TPTE: variants seen among roughly 807,000 people sequenced by gnomAD.
TPTE encodes putative tyrosine-protein phosphatase TPTE.
TPTE carries 59 observed loss-of-function variants against 84.1 expected under a neutral mutation model. The ratio of observed to expected loss-of-function variants is 0.70; its 90% confidence interval spans 0.57 to 0.87. The LOEUF (loss-of-function observed/expected upper bound fraction) is 0.87, where lower values mean the gene tolerates loss of function less well. Among genes scored for constraint, TPTE ranks in the 40% least tolerant of loss-of-function variants. TPTE has a pLI of 0.00. For missense variants in TPTE, 382 were observed against 659.6 expected, an observed-to-expected ratio of 0.58 and a Z score of 4.61; for synonymous variants, 130 against 223.5, an observed-to-expected ratio of 0.58 and a Z score of 3.73.
intron 7 of TPTE, among the ~76,000 whole-genome samples, chr21:10,545,238 A>G (rs1272891557): frequency 6.6e-6 from 1 of 152,312 alleles, no homozygotes; most frequent in African/African-American, 2.4e-5. Context: ...AAGATTGGTA[A>G]AATTCATTCA....
At chr21:10,525,978 A>C in intron 2 of TPTE, among the ~76,000 whole-genome samples, 1 of 152,422 alleles carries the variant, frequency 6.6e-6, no homozygotes, top group South Asian at 2.1e-4. Context: ...AGGATGTCTG[A>C]AAAATCTAGT....
rs1452950684 is a variant in TPTE at position 10,563,795 on chromosome 21, A to T, written c.446+2604A>T. Among the ~76,000 whole-genome samples, 3 of 152,306 alleles carry T rather than the reference A, an allele frequency of 2.0e-5. No homozygotes were observed. The East Asian group carries it at 5.8e-4, about 29-fold the overall frequency. On this transcript the variant is annotated intron_variant, in intron 10 of 23. Transcript: ENST00000618007. ...TGGCAGGAGTAAGTCCTTACTTATC[A>T]GTAATAACATTGAATGTCAGTAGAC...
At chr21:10,601,974 C>A in intron 21 of TPTE, 84 bp from the exon 22 acceptor site, 1 of 1,442,416 alleles carries the variant, frequency 6.9e-7, no homozygotes, top group Non-Finnish European at 9.7e-7. Flanking sequence ...TTGATAAATA[C>A]AGGAAGTCAT....
chr21:10,577,076 ACT>A (rs1315120120), intron 14 of TPTE, among the ~76,000 whole-genome samples: 14 of 152,362 alleles, frequency 9.2e-5, no homozygotes, highest in African/African-American at 1.4e-4. Context: ...TATGCAGATC[ACT>A]CTCTAAAGAT....
At chr21:10,555,050 C>T (rs1034174762) in intron 8 of TPTE, among the ~76,000 whole-genome samples, 11 of 152,304 alleles carry the variant, frequency 7.2e-5, no homozygotes, top group Non-Finnish European at 1.6e-4. Flanking sequence ...AATACAAATC[C>T]CATTTCATTA....
intron 3 of TPTE, among the ~76,000 whole-genome samples, chr21:10,536,299 A>G (rs1354744472): frequency 2.0e-5 from 3 of 152,428 alleles, no homozygotes; most frequent in South Asian, 4.1e-4. Flanking sequence ...ACCTAGTTCA[A>G]ATTAGTGATA....
At chr21:10,560,969 A>C in intron 9 of TPTE, 61 bp from the exon 10 acceptor site, 2 of 1,565,338 alleles carry the variant, frequency 1.3e-6, no homozygotes, top group Non-Finnish European at 1.7e-6. Context: ...GTATAGCTAC[A>C]GGGACAAATG....
chr21:10,555,016 G>A (rs1400815581), intron 8 of TPTE, among the ~76,000 whole-genome samples: 2 of 152,310 alleles, frequency 1.3e-5, no homozygotes, highest in African/African-American at 2.4e-5. Context: ...AATGTGTCCA[G>A]TGGGAGAGAT....
At chr21:10,583,886 A>C (rs2075313458) in intron 17 of TPTE, among the ~76,000 whole-genome samples, 1 of 152,310 alleles carries the variant, frequency 6.6e-6, no homozygotes, top group African/African-American at 2.4e-5. Context: ...TCTGTGTGCC[A>C]ATAGCACAAC....
intron 7 of TPTE, among the ~76,000 whole-genome samples, chr21:10,548,963 A>C (rs1471995468): frequency 6.6e-6 from 1 of 152,310 alleles, no homozygotes; most frequent in African/African-American, 2.4e-5. Context: ...CAGCGGCATA[A>C]AGCCATACTC....
At chr21:10,583,860 G>C (rs1175824978) in intron 17 of TPTE, among the ~76,000 whole-genome samples, 1 of 152,304 alleles carries the variant, frequency 6.6e-6, no homozygotes, top group African/African-American at 2.4e-5. Flanking sequence ...TTTCTCTTCT[G>C]TTCATTGATT....
intron 10 of TPTE, among the ~76,000 whole-genome samples, chr21:10,561,600 C>A (rs1331182148): frequency 2.0e-5 from 3 of 151,424 alleles, no homozygotes; most frequent in African/African-American, 7.3e-5. Context: ...TCTGGCAGTA[C>A]CCCCCCCATG....
chr21:10,585,995 T>C (rs1196990500), intron 17 of TPTE, among the ~76,000 whole-genome samples: 1 of 152,302 alleles, frequency 6.6e-6, no homozygotes, highest in Non-Finnish European at 1.5e-5. Flanking sequence ...ACCACGGATT[T>C]ATCAATTTTA....
chr21:10,590,791 A>T (rs1400057717), intron 18 of TPTE, among the ~76,000 whole-genome samples: 1 of 152,308 alleles, frequency 6.6e-6, no homozygotes, highest in Non-Finnish European at 1.5e-5. Context: ...TGTAATAATT[A>T]AAATAAATAA....
chr21:10,538,176 T>A (rs2074301782), intron 3 of TPTE, among the ~76,000 whole-genome samples: 1 of 152,302 alleles, frequency 6.6e-6, no homozygotes, highest in Non-Finnish European at 1.5e-5. Context: ...ACCCTAGAAA[T>A]GTTTTTGACC....
rs369397143 is a variant in TPTE at position 10,571,973 on chromosome 21, C to G, written c.795+1424C>G. On this transcript the variant is annotated intron_variant, in intron 14 of 23. Coordinates refer to ENST00000618007, the MANE Select transcript of TPTE (RefSeq NM_199261.4). ...TGAGCCAAGATTGTGCCACTGCACT[C>G]CAGCCTGGGTGGCAGAGTGATACCC... 2.3e-3 allele frequency among the ~76,000 whole-genome samples: 347 copies of G among 151,512 alleles called. No homozygotes were observed. In the East Asian group the frequency reaches 0.059, roughly 26 times the overall value.
intron 17 of TPTE, among the ~76,000 whole-genome samples, chr21:10,583,422 G>T (rs1373414406): frequency 5.9e-5 from 9 of 152,288 alleles, no homozygotes; most frequent in Non-Finnish European, 1.3e-4. Context: ...TTTTCTCCTG[G>T]ATTATTCATC....
intron 21 of TPTE, among the ~76,000 whole-genome samples, chr21:10,600,782 G>C (rs1290353256): frequency 6.8e-4 from 103 of 152,134 alleles, no homozygotes; most frequent in Middle Eastern, 3.5e-3. Context: ...TTATTTCTAT[G>C]AGAATGAGTC....
chr21:10,535,330 C>T (rs956811767), intron 3 of TPTE, among the ~76,000 whole-genome samples: 5 of 152,306 alleles, frequency 3.3e-5, no homozygotes, highest in Non-Finnish European at 7.3e-5. Context: ...ATACACATAA[C>T]ATACACGCAT....
Sources: allele counts gnomAD v4.1 joint callset (sites outside exome capture counted in the v4.1 genomes callset), GRCh38; gene constraint gnomAD v4.1.1; transcripts MANE v1.5; gene names NCBI Gene and HGNC (gene_info 2026-07-23, HGNC 2026-07-21).